UGT1A5: variants seen among roughly 807,000 people sequenced by gnomAD.
UGT1A5 encodes the protein UDP-glucuronosyltransferase 1A5.
A neutral mutation model predicts 40.3 loss-of-function variants in UGT1A5; 29 were observed. The observed-to-expected ratio is 0.72, with a 90% confidence interval of 0.54 to 0.98. The LOEUF (loss-of-function observed/expected upper bound fraction) is 0.98, where lower values mean the gene tolerates loss of function less well. Ranked by LOEUF, UGT1A5 falls within the 50% of genes least tolerant of loss-of-function variation. The pLI is 0.00. For missense variants in UGT1A5, 678 were observed against 677.9 expected, an observed-to-expected ratio of 1.00 and a Z score of 0.00; for synonymous variants, 257 against 262.5, an observed-to-expected ratio of 0.98 and a Z score of 0.20.
rs561148269 is a variant in UGT1A5 at position 233,758,341 on chromosome 2, T to A, written c.868-8693T>A. The stretch of plus-strand genomic sequence containing the variant: ...GCAGCCTCAAAAAGCTTGGAAGCTC[T>A]GCATGATGCAGGAAAGTCATAAAAT... On this transcript the variant is annotated intron_variant, in intron 1 of 4. Coordinates refer to ENST00000373414, the MANE Select transcript of UGT1A5 (RefSeq NM_019078.2). Among the ~76,000 whole-genome samples the A allele has an allele frequency of 3.3e-5, 5 of 152,358 alleles. No homozygotes were observed. In the South Asian group the frequency reaches 8.3e-4, roughly 25 times the overall value.
chr2:233,744,799 C>T (rs571960868), intron 1 of UGT1A5, among the ~76,000 whole-genome samples: 2 of 151,914 alleles, frequency 1.3e-5, no homozygotes, highest in East Asian at 3.9e-4. Flanking sequence ...CTTGGGGATC[C>T]CTAGGATTTC....
At chr2:233,726,038 C>T (rs1360509529) in intron 1 of UGT1A5, among the ~76,000 whole-genome samples, 1 of 152,198 alleles carries the variant, frequency 6.6e-6, no homozygotes, top group African/African-American at 2.4e-5. Context: ...TGATGGCGCA[C>T]ACCTGTGGTC....
chr2:233,715,390 T>C (rs1242817087), intron 1 of UGT1A5, among the ~76,000 whole-genome samples: 1 of 152,222 alleles, frequency 6.6e-6, no homozygotes, highest in African/African-American at 2.4e-5. Flanking sequence ...GCTGTTATCA[T>C]TAAATAATAA....
In UGT1A5 at chr2:233,744,645, G is replaced by A. The variant is rs1382975794; in HGVS notation, c.868-22389G>A. 2.0e-5 allele frequency among the ~76,000 whole-genome samples: 3 copies of A among 151,982 alleles called. No homozygotes were observed. In the East Asian group the frequency reaches 5.8e-4, roughly 29 times the overall value. Reference sequence around the variant, plus strand: ...GAGGTGGATTCTCATGTCAGCTTCTGTATTCAATCTACTGTGATATTACAC... The same window carrying A: ...GAGGTGGATTCTCATGTCAGCTTCTATATTCAATCTACTGTGATATTACAC... On this transcript the variant is annotated intron_variant, in intron 1 of 4. Coordinates refer to ENST00000373414, the MANE Select transcript of UGT1A5 (RefSeq NM_019078.2).
intron 1 of UGT1A5, among the ~76,000 whole-genome samples, chr2:233,758,094 G>A (rs1428723700): frequency 6.6e-6 from 1 of 152,162 alleles, no homozygotes; most frequent in Non-Finnish European, 1.5e-5. Flanking sequence ...CATAGTGACT[G>A]CCATCCAGTA....
At chr2:233,743,470 G>T in intron 1 of UGT1A5, 1 of 1,366,762 alleles carries the variant, frequency 7.3e-7, no homozygotes, top group Non-Finnish European at 9.8e-7. Flanking sequence ...ACCCCCAAAA[G>T]CTGGAAATTC....
intron 1 of UGT1A5, chr2:233,729,110 C>T: frequency 6.2e-7 from 1 of 1,612,868 alleles, no homozygotes; most frequent in Non-Finnish European, 8.5e-7. Context: ...AGTCAGCTGT[C>T]CGTGTCTTCT....
At chr2:233,762,032 T>A (rs34562642) in intron 1 of UGT1A5, among the ~76,000 whole-genome samples, 31 of 152,346 alleles carry the variant, frequency 2.0e-4, no homozygotes, top group East Asian at 3.9e-4. Context: ...TTATTTTTTT[T>A]AATTTTCTGT....
At position 233,769,509 on chromosome 2, in the gene UGT1A5, C is replaced by T; in HGVS notation, c.1307+1070C>T. 2 of 1,612,822 alleles carry T rather than the reference C, an allele frequency of 1.2e-6. No homozygotes were observed. Among genetic ancestry groups the T allele is most frequent in the Non-Finnish European group, 1.7e-6 (2 of 1,179,850 alleles). On this transcript the variant is annotated intron_variant, in intron 4 of 4. Coordinates refer to ENST00000373414, the MANE Select transcript of UGT1A5 (RefSeq NM_019078.2). This position sits in a 1 kb window ranked among gnomAD's most constrained non-coding sequence, Gnocchi z 4.4. Reference sequence around the variant, plus strand: ...TGTTTATGAGAGTGTCCATTGCTTTCTCCCATGGTTACCTCCTTTAGAAAG... The same window carrying T: ...TGTTTATGAGAGTGTCCATTGCTTTTTCCCATGGTTACCTCCTTTAGAAAG...
intron 1 of UGT1A5, chr2:233,755,349 T>G (rs1322170401): frequency 5.0e-6 from 2 of 396,484 alleles, no homozygotes; most frequent in Admixed American, 3.8e-5. Flanking sequence ...GTCAGAGGCT[T>G]GGCGACCTGG....
rs2012734 is a variant in UGT1A5 at position 233,713,783 on chromosome 2, T to C, written c.792T>C (p.Asp264=). 779,630 of 1,588,962 alleles carry C rather than the reference T, an allele frequency of 0.49. 199,785 individuals are homozygous for C. The highest frequency in any genetic ancestry group is 0.75 in the African/African-American group (56,090 of 74,650). Residue 264 remains aspartate, a synonymous_variant, in exon 1 of 5, where the codon GAT becomes GAC. Coordinates refer to ENST00000373414, the MANE Select transcript of UGT1A5 (RefSeq NM_019078.2). The part of the protein sequence containing the change: ...VWLFRGDFVM[D]YPRPIMPNMV... ...TGTTCCGAGGGGACTTTGTGATGGA[T>C]TACCCCAGGCCGATCATGCCCAACA... is the stretch of plus-strand genomic sequence containing the variant.
chr2:233,769,458 C>G lies in UGT1A5; in HGVS notation c.1307+1019C>G, dbSNP rs896047328. On this transcript the variant is annotated intron_variant, in intron 4 of 4. Coordinates refer to ENST00000373414, the MANE Select transcript of UGT1A5 (RefSeq NM_019078.2). This position sits in a 1 kb window ranked among gnomAD's most constrained non-coding sequence, Gnocchi z 4.4. ...ATGTGTGGGTGCACACGTGTGCATTCATATGCGTGTGTGTGTGTGTGCGTG... is the reference window on the plus strand; with the variant it reads ...ATGTGTGGGTGCACACGTGTGCATTGATATGCGTGTGTGTGTGTGTGCGTG... The G allele has an allele frequency of 2.5e-6, 4 of 1,593,602 alleles. No individual in the cohort carries two copies. The African/African-American group carries it at 4.0e-5, about 16-fold the overall frequency.
intron 1 of UGT1A5, chr2:233,747,317 C>A: frequency 1.9e-6 from 3 of 1,603,212 alleles, no homozygotes; most frequent in Non-Finnish European, 2.6e-6. Flanking sequence ...CTGGTGGTAC[C>A]CATTGATGGC....
At chr2:233,747,573 T>C (rs1169792054) in intron 1 of UGT1A5, 7 of 1,587,232 alleles carry the variant, frequency 4.4e-6, no homozygotes, top group African/African-American at 1.4e-5. Flanking sequence ...GAAAAATTCA[T>C]CTTTGGTCTT....
chr2:233,728,571 T>C lies in UGT1A5; in HGVS notation c.867+14713T>C, dbSNP rs61764026. 1.2e-3 allele frequency among the ~76,000 whole-genome samples: 176 copies of C among 152,316 alleles called. 7 individuals carry two copies. The East Asian group carries it at 0.026, about 22-fold the overall frequency. ...CTGATCCTTACAAGAAATATCCTGGTGCGAAAAACGACCAAAACCACATAG... is the reference window on the plus strand; with the variant it reads ...CTGATCCTTACAAGAAATATCCTGGCGCGAAAAACGACCAAAACCACATAG... On this transcript the variant is annotated intron_variant, in intron 1 of 4. Coordinates refer to ENST00000373414, the MANE Select transcript of UGT1A5 (RefSeq NM_019078.2).
intron 1 of UGT1A5, among the ~76,000 whole-genome samples, chr2:233,731,010 G>A (rs17868337): frequency 0.016 from 2,364 of 152,256 alleles, 27 homozygotes; most frequent in Admixed American, 0.024. Flanking sequence ...CATGTACATC[G>A]TGAGAGAATC....
At chr2:233,760,776 C>G in intron 1 of UGT1A5, 1 of 1,613,940 alleles carries the variant, frequency 6.2e-7, no homozygotes, top group Non-Finnish European at 8.5e-7. Context: ...TGGCCCAGTA[C>G]CTGTCTCTGC....
In UGT1A5 at chr2:233,769,701, C is replaced by A. The variant is rs2126047704; in HGVS notation, c.1307+1262C>A. 1 of 1,525,142 alleles carries A rather than the reference C, an allele frequency of 6.6e-7. No homozygotes were observed. The highest frequency in any genetic ancestry group is 2.0e-5 in the Admixed American group (1 of 50,446). 94.5% of individuals were successfully genotyped at this position (1,525,142 alleles called of 1,614,324 possible). On this transcript the variant is annotated intron_variant, in intron 4 of 4. Transcript: ENST00000373414. This position sits in a 1 kb window ranked among gnomAD's most constrained non-coding sequence, Gnocchi z 4.4. ...TGTGTGGTGGCACTGGATAAAAGAT[C>A]AATGTTGGCTAGGCACCATGGCACA...
chr2:233,760,979 C>A, intron 1 of UGT1A5: 1 of 1,614,224 alleles, frequency 6.2e-7, no homozygotes, highest in Non-Finnish European at 8.5e-7. Context: ...TCCCCGTATG[C>A]AACCCTTGCC....
Sources: allele counts gnomAD v4.1 joint callset (sites outside exome capture counted in the v4.1 genomes callset), GRCh38; gene constraint gnomAD v4.1.1; non-coding constraint Gnocchi (gnomAD v3.1); transcripts MANE v1.5; gene names NCBI Gene and HGNC (gene_info 2026-07-23, HGNC 2026-07-21).